SEMA3C: variants seen among roughly 807,000 people sequenced by gnomAD.
The protein encoded by SEMA3C is semaphorin-3C.
In SEMA3C, 47 loss-of-function variants were observed where a neutral mutation model predicts 89.4. The ratio of observed to expected loss-of-function variants is 0.53; its 90% CI spans 0.42 to 0.67. The LOEUF (loss-of-function observed/expected upper bound fraction) is 0.67, where lower values mean the gene tolerates loss of function less well. Among genes scored for constraint, SEMA3C ranks in the 30% least tolerant of loss-of-function variants. The pLI, the probability that SEMA3C is intolerant of heterozygous loss-of-function variation, is 0.00. For synonymous variants in SEMA3C, 310 were observed against 320.2 expected, an observed-to-expected ratio of 0.97 and a Z score of 0.34; for missense variants, 839 against 929.1, an observed-to-expected ratio of 0.90 and a Z score of 1.26.
chr7:80,765,856 C>T lies in SEMA3C; in HGVS notation c.1355-613G>A, dbSNP rs117267249. 9.9e-3 allele frequency among the ~76,000 whole-genome samples: 1,499 copies of T among 152,124 alleles called. 8 individuals are homozygous for T. Among genetic ancestry groups the T allele is most frequent in the Middle Eastern group, 0.014 (4 of 294 alleles). On this transcript the variant is annotated intron_variant, in intron 12 of 17. Transcript: ENST00000265361. ...CCTCCCAAAGTGCTGGTATTACAGG[C>T]GTGGTGAGCCAATGTAACCAGCCAA...
intron 2 of SEMA3C, among the ~76,000 whole-genome samples, chr7:80,859,878 T>A (rs1239814099): frequency 6.6e-6 from 1 of 152,066 alleles, no homozygotes; most frequent in Admixed American, 6.6e-5. Flanking sequence ...TTCACATGTG[T>A]TTTGGTTTAG....
At position 80,742,970 on chromosome 7, in the gene SEMA3C, C is replaced by T. The variant is rs1451386977; in HGVS notation, c.*1924G>A. Reference sequence around the variant, plus strand: ...ACAAATATAGTATAAAACTAAACACCGTTACTGTCTATCAGTTTGGGCTTA... The same window carrying T: ...ACAAATATAGTATAAAACTAAACACTGTTACTGTCTATCAGTTTGGGCTTA... On this transcript the variant is annotated 3_prime_UTR_variant, in exon 18 of 18. Coordinates refer to ENST00000265361, the MANE Select transcript of SEMA3C (RefSeq NM_006379.5). The T allele has an allele frequency of 6.6e-6, 1 of 151,756 alleles. No individual in the cohort carries two copies. Among genetic ancestry groups the T allele is most frequent in the Non-Finnish European group, 1.5e-5 (1 of 67,812 alleles). The allele number at this position is 151,756 out of a possible 1,614,324, so 9.4% of individuals were successfully genotyped here.
At chr7:80,821,426 T>C (rs548156652) in intron 4 of SEMA3C, among the ~76,000 whole-genome samples, 8 of 152,326 alleles carry the variant, frequency 5.3e-5, no homozygotes, top group Non-Finnish European at 2.9e-5. Flanking sequence ...TTGTTTTTTT[T>C]TGGGGGGGTG....
At chr7:80,825,999 C>A (rs931218968) in intron 4 of SEMA3C, among the ~76,000 whole-genome samples, 2 of 152,086 alleles carry the variant, frequency 1.3e-5, no homozygotes, top group East Asian at 1.9e-4. Flanking sequence ...AGCAAATATG[C>A]CCCTGCAAAT....
Position 80,841,214 on chromosome 7 carries a change from G to A in SEMA3C, c.104-12469C>T, listed in dbSNP as rs1790260846. On this transcript the variant is annotated intron_variant, in intron 2 of 17. Transcript: ENST00000265361. The stretch of plus-strand genomic sequence containing the variant: ...ACAAGTTTGCTAGAAAGATAATTCT[G>A]CTTAATGAAGAGTTCTTGAGAGCAA... Among the ~76,000 whole-genome samples, 4 of 152,148 alleles carry A rather than the reference G, an allele frequency of 2.6e-5. No individual in the cohort carries two copies. In the South Asian group the frequency reaches 6.2e-4, roughly 24 times the overall value.
At chr7:80,866,789 G>A (rs1032610758) in intron 2 of SEMA3C, among the ~76,000 whole-genome samples, 1 of 152,108 alleles carries the variant, frequency 6.6e-6, no homozygotes, top group African/African-American at 2.4e-5. Flanking sequence ...GCATTTACAG[G>A]CACTGCCATT....
At chr7:80,883,830 C>T (rs1197894250) in intron 2 of SEMA3C, among the ~76,000 whole-genome samples, 2 of 152,180 alleles carry the variant, frequency 1.3e-5, no homozygotes, top group African/African-American at 4.8e-5. Flanking sequence ...AAAATGCAGT[C>T]ATACCATTAA....
chr7:80,772,719 A>AT (rs908659848), intron 12 of SEMA3C, among the ~76,000 whole-genome samples: 13 of 148,444 alleles, frequency 8.8e-5, no homozygotes, highest in South Asian at 4.3e-4. Context: ...TGTTTGTTTT[A>AT]TTTTTTTCCT....
intron 2 of SEMA3C, among the ~76,000 whole-genome samples, chr7:80,835,010 G>A (rs1790092985): frequency 6.6e-6 from 1 of 152,036 alleles, no homozygotes; most frequent in Admixed American, 6.6e-5. Context: ...CTACAATTCA[G>A]AGTGCCAATT....
Position 80,745,312 on chromosome 7 carries a change from AAGAG to A in SEMA3C, c.1843-9_1843-6del. Reference sequence around the variant, plus strand: ...TATTCGTTCATTCAGCTTAACCTAAAAGAGAGACAAATTAAAGTTACTGAAACTG... The same window carrying A: ...TATTCGTTCATTCAGCTTAACCTAAAAGACAAATTAAAGTTACTGAAACTG... On this transcript the variant is annotated splice_region_variant and splice_polypyrimidine_tract_variant and intron_variant, in intron 17 of 17. Transcript: ENST00000265361. The A allele has an allele frequency of 6.2e-7, 1 of 1,610,464 alleles. No homozygotes were observed. The highest frequency in any genetic ancestry group is 8.5e-7 in the Non-Finnish European group (1 of 1,179,018).
intron 2 of SEMA3C, among the ~76,000 whole-genome samples, chr7:80,895,887 T>C (rs1275413229): frequency 1.3e-5 from 2 of 152,158 alleles, no homozygotes; most frequent in Non-Finnish European, 2.9e-5. Flanking sequence ...ATTTTAAAAG[T>C]TTTCTTCTAT....
intron 2 of SEMA3C, among the ~76,000 whole-genome samples, chr7:80,860,336 A>G (rs1403943797): frequency 1.3e-5 from 2 of 152,126 alleles, no homozygotes; most frequent in East Asian, 3.9e-4. Flanking sequence ...CTGCCTTAAT[A>G]TTTTGATGAT....
At chr7:80,791,442 C>G (rs1354029208) in intron 11 of SEMA3C, among the ~76,000 whole-genome samples, 1 of 152,116 alleles carries the variant, frequency 6.6e-6, no homozygotes, top group Non-Finnish European at 1.5e-5. Flanking sequence ...AAACACACAG[C>G]ACTATCGTGT....
chr7:80,845,340 G>A (rs1375047581), intron 2 of SEMA3C, among the ~76,000 whole-genome samples: 1 of 151,940 alleles, frequency 6.6e-6, no homozygotes, highest in African/African-American at 2.4e-5. Context: ...TACTTCTTAG[G>A]TGGACATCAG....
At chr7:80,885,503 G>A (rs1791453859) in intron 2 of SEMA3C, among the ~76,000 whole-genome samples, 2 of 152,092 alleles carry the variant, frequency 1.3e-5, no homozygotes, top group African/African-American at 2.4e-5. Context: ...CATAGTCCCA[G>A]CTACTTGGGA....
At chr7:80,871,510 C>A (rs1791057573) in intron 2 of SEMA3C, among the ~76,000 whole-genome samples, 1 of 152,204 alleles carries the variant, frequency 6.6e-6, no homozygotes, top group Non-Finnish European at 1.5e-5. Context: ...TACTGTGCTT[C>A]AGACACTGCT....
chr7:80,800,927 G>A, intron 9 of SEMA3C, 101 bp from the exon 10 acceptor site: 3 of 631,218 alleles, frequency 4.8e-6, no homozygotes, highest in Non-Finnish European at 5.3e-6. Flanking sequence ...AAAGTACTCT[G>A]CAAAAAGATA....
intron 12 of SEMA3C, among the ~76,000 whole-genome samples, chr7:80,784,281 A>AG (rs1366143048): frequency 1.0e-3 from 149 of 145,086 alleles, no homozygotes; most frequent in African/African-American, 3.3e-3. Flanking sequence ...TAAAAAAAAA[A>AG]AAGAGAGATA....
chr7:80,773,215 G>T lies in SEMA3C; in HGVS notation c.1355-7972C>A, dbSNP rs1223052153. ...ACTATATTAAATTATTGACTTACTT[G>T]CAATATATTAAAATATTCAGGGGAA... On this transcript the variant is annotated intron_variant, in intron 12 of 17. Coordinates refer to ENST00000265361, the MANE Select transcript of SEMA3C (RefSeq NM_006379.5). 2.6e-5 allele frequency among the ~76,000 whole-genome samples: 4 copies of T among 151,500 alleles called. No homozygotes were observed. In the East Asian group the frequency reaches 7.8e-4, roughly 29 times the overall value.
Sources: allele counts gnomAD v4.1 joint callset (sites outside exome capture counted in the v4.1 genomes callset), GRCh38; gene constraint gnomAD v4.1.1; transcripts MANE v1.5; gene names NCBI Gene and HGNC (gene_info 2026-07-23, HGNC 2026-07-21).